Variants in DIPK1B observed in about 807,000 individuals in gnomAD.
DIPK1B encodes the protein family with sequence similarity 69 member B.
In DIPK1B, 17 loss-of-function variants were observed where a neutral mutation model predicts 20.7. That is an observed-to-expected ratio of 0.82 (90% CI 0.56 to 1.23). The LOEUF is 1.23. Among genes scored for constraint, DIPK1B ranks in the 50% most tolerant of loss-of-function variants. The pLI is 0.00. For synonymous variants in DIPK1B, 343 were observed against 276.5 expected, an observed-to-expected ratio of 1.24 and a Z score of -2.39; for missense variants, 648 against 601.8, an observed-to-expected ratio of 1.08 and a Z score of -0.80.
At chr9:136,721,660 C>T (rs1395274821) in intron 2 of DIPK1B, 2 of 484,962 alleles carry the variant, frequency 4.1e-6, no homozygotes, top group Non-Finnish European at 7.6e-6. Flanking sequence ...GTGGCCTTTG[C>T]TGTGCCGTCC....
chr9:136,720,470 T>C (rs1846579964), intron 2 of DIPK1B, among the ~76,000 whole-genome samples: 2 of 150,468 alleles, frequency 1.3e-5, no homozygotes, highest in African/African-American at 5.0e-5. Context: ...CCAGGAATTC[T>C]CCCCCCCCCA....
chr9:136,720,053 C>T (rs1342551491), intron 2 of DIPK1B, among the ~76,000 whole-genome samples: 3 of 145,214 alleles, frequency 2.1e-5, no homozygotes, highest in African/African-American at 5.3e-5. Context: ...TCTGGGGCTC[C>T]GGGTGCAGGG....
At chr9:136,720,341 G>T (rs967248407) in intron 2 of DIPK1B, among the ~76,000 whole-genome samples, 1 of 152,194 alleles carries the variant, frequency 6.6e-6, no homozygotes, top group African/African-American at 2.4e-5. Context: ...TCCTTGGTGT[G>T]TGGGGGGCGG....
rs1846664290 is a variant in DIPK1B, at chr9:136,723,982, T to TC, written c.*210dup. On this transcript the variant is annotated 3_prime_UTR_variant, in exon 5 of 5. Transcript: ENST00000371692. ...CATGGACATCCCGGCAGGAGAGTCCTCCAAGGGGGTTTGTTACTCTGAAGA... is the reference window on the plus strand; with the variant it reads ...CATGGACATCCCGGCAGGAGAGTCCTCCCAAGGGGGTTTGTTACTCTGAAGA... The TC allele has an allele frequency of 5.0e-6, 3 of 602,274 alleles. No homozygotes were observed. The Admixed American group carries it at 9.1e-5, about 18-fold the overall frequency. 37.3% of individuals were successfully genotyped at this position (602,274 alleles called of 1,614,324 possible). A position where few individuals can be genotyped will look rare whatever the true frequency, so the allele number is the denominator to read the frequency against.
At chr9:136,718,403 C>G (rs988028187) in intron 2 of DIPK1B, among the ~76,000 whole-genome samples, 13 of 152,178 alleles carry the variant, frequency 8.5e-5, no homozygotes, top group Admixed American at 5.9e-4. Flanking sequence ...AGGGCTAAGT[C>G]CCCTGGCGTA....
intron 4 of DIPK1B, chr9:136,722,598 G>A: frequency 1.8e-6 from 1 of 561,092 alleles, no homozygotes; most frequent in Non-Finnish European, 3.2e-6. Context: ...ACCAGGGCTT[G>A]TGGAAAGGGG....
Position 136,722,968 on chromosome 9 carries a change from C to G in DIPK1B, c.490C>G (p.Leu164Val). 6.2e-7 allele frequency: 1 copy of G among 1,603,272 alleles called. No homozygotes were observed. The highest frequency in any genetic ancestry group is 8.5e-7 in the Non-Finnish European group (1 of 1,172,722). Residue 164 changes from leucine (L) to valine (V), a missense_variant, in exon 5 of 5, where the codon CTG (leucine) becomes GTG (valine). Physicochemically the swap from Leu to Val is conservative, Grantham distance 32 (BLOSUM62 1). Coordinates refer to ENST00000371692, the MANE Select transcript of DIPK1B (RefSeq NM_152421.4). ...EMTLSFLKAN[L>V]GDLPSLPALV... ...TTTTGGTCCCAAACGCCAGGCGAAC[C>G]TGGGAGACCTGCCTTCCCTGCCGGC...
rs746860807 is a variant in DIPK1B, at chr9:136,723,124, G to A, written c.646G>A (p.Glu216Lys). Residue 216 changes from glutamate (E) to lysine (K), a missense_variant, in exon 5 of 5, where the codon GAG becomes AAG. Glu to Lys is a moderately conservative substitution (Grantham distance 56, BLOSUM62 1). Coordinates refer to ENST00000371692, the MANE Select transcript of DIPK1B (RefSeq NM_152421.4). ...GCTGCTGCTGTCCCTGCAGGAGAAGGAGCACGCCTCCAGACTGCTGGGCTA... is the reference window on the plus strand; with the variant it reads ...GCTGCTGCTGTCCCTGCAGGAGAAGAAGCACGCCTCCAGACTGCTGGGCTA... ...FLLLLSLQEK[E>K]HASRLLGYCG... The A allele has an allele frequency of 3.1e-6, 5 of 1,613,560 alleles. No homozygotes were observed. Among genetic ancestry groups the A allele is most frequent in the East Asian group, 4.5e-5 (2 of 44,880 alleles).
chr9:136,721,696 A>ATCT, intron 2 of DIPK1B: 31 of 547,728 alleles, frequency 5.7e-5, no homozygotes, highest in South Asian at 2.7e-4. Context: ...GATGGTGGGG[A>ATCT]CGGGACCGGA....
chr9:136,722,100 G>A lies in DIPK1B; in HGVS notation c.307-25G>A, dbSNP rs777778817. ...TGCAGTGGGAGGGGGATGTCTGCACGGAGGACCTCTGTGGCCCTGTCCAGG... is the reference window on the plus strand; with the variant it reads ...TGCAGTGGGAGGGGGATGTCTGCACAGAGGACCTCTGTGGCCCTGTCCAGG... On this transcript the variant is annotated intron_variant, in intron 3 of 4. Coordinates refer to ENST00000371692, the MANE Select transcript of DIPK1B (RefSeq NM_152421.4). The A allele has an allele frequency of 2.2e-5, 35 of 1,613,614 alleles. No homozygotes were observed. The East Asian group carries it at 2.2e-4, about 10-fold the overall frequency.
At chr9:136,721,256 A>G (rs1335479744) in intron 2 of DIPK1B, 1 of 152,258 alleles carries the variant, frequency 6.6e-6, no homozygotes, top group Admixed American at 6.5e-5. Flanking sequence ...CCAAGAGCCC[A>G]CCCTTTTGTT....
At chr9:136,721,511 A>C in intron 2 of DIPK1B, 4 of 203,078 alleles carry the variant, frequency 2.0e-5, no homozygotes, top group Non-Finnish European at 3.0e-5. Context: ...ATTAGGGACT[A>C]GTGTGAATTC....
In DIPK1B at chr9:136,723,131, C is replaced by T. The variant is rs774543358; in HGVS notation, c.653C>T (p.Ala218Val). 11 of 1,613,458 alleles carry T rather than the reference C, an allele frequency of 6.8e-6. No individual in the cohort carries two copies. In the East Asian group the frequency reaches 2.0e-4, roughly 29 times the overall value. Residue 218 changes from alanine (A) to valine (V), a missense_variant, in exon 5 of 5, where the codon GCC becomes GTC. Ala to Val is a moderately conservative substitution (Grantham distance 64). Coordinates refer to ENST00000371692, the MANE Select transcript of DIPK1B (RefSeq NM_152421.4). ...CTGTCCCTGCAGGAGAAGGAGCACGCCTCCAGACTGCTGGGCTACTGTGGG... is the reference window on the plus strand; with the variant it reads ...CTGTCCCTGCAGGAGAAGGAGCACGTCTCCAGACTGCTGGGCTACTGTGGG... ...LLLSLQEKEH[A>V]SRLLGYCGDL...
At chr9:136,715,553 C>T (rs1247505890) in intron 1 of DIPK1B, among the ~76,000 whole-genome samples, 5 of 151,064 alleles carry the variant, frequency 3.3e-5, no homozygotes, top group East Asian at 2.0e-4. Context: ...CTCACTCTGT[C>T]GCCCAGGCTG....
rs1259132398 is a variant in DIPK1B at position 136,723,788 on chromosome 9, G to A, written c.*14G>A. 1.3e-6 allele frequency: 2 copies of A among 1,531,194 alleles called. No individual in the cohort carries two copies. Among genetic ancestry groups the A allele is most frequent in the Middle Eastern group, 2.3e-4 (1 of 4,374 alleles). 94.9% of individuals were successfully genotyped at this position (1,531,194 alleles called of 1,614,324 possible). Reference sequence around the variant, plus strand: ...AAGTACTCTTGATGGGGCAGTGAGGGGCCTGGCCACCCTTCCTGGAGCTGG... The same window carrying A: ...AAGTACTCTTGATGGGGCAGTGAGGAGCCTGGCCACCCTTCCTGGAGCTGG... On this transcript the variant is annotated 3_prime_UTR_variant, in exon 5 of 5. Coordinates refer to ENST00000371692, the MANE Select transcript of DIPK1B (RefSeq NM_152421.4).
In DIPK1B at chr9:136,720,242, G is replaced by A. The variant is rs751231035; in HGVS notation, c.199-1679G>A. 3.1e-4 allele frequency among the ~76,000 whole-genome samples: 47 copies of A among 152,130 alleles called. 1 individual carries two copies. Among genetic ancestry groups the A allele is most frequent in the Non-Finnish European group, 4.7e-4 (32 of 68,002 alleles). ...TTTTCTGTCTTGACGAAGAGCCGGC[G>A]TTTTCTTGCTGCCGGGACAGACGCT... is the stretch of plus-strand genomic sequence containing the variant. On this transcript the variant is annotated intron_variant, in intron 2 of 4. Transcript: ENST00000371692.
intron 2 of DIPK1B, among the ~76,000 whole-genome samples, chr9:136,718,898 G>A (rs932402419): frequency 6.6e-6 from 1 of 152,190 alleles, no homozygotes; most frequent in Non-Finnish European, 1.5e-5. Context: ...TCCGGAGCTA[G>A]GAGAGCTTCT....
At chr9:136,719,526 CGCGAGGCCAAGAACTAGACCGT>C (rs1475025600) in intron 2 of DIPK1B, among the ~76,000 whole-genome samples, 1 of 152,228 alleles carries the variant, frequency 6.6e-6, no homozygotes, top group Non-Finnish European at 1.5e-5. Flanking sequence ...CCAGGGCCCT[CGCGAGGCCAAGAACTAGACCGT>C]GAGTCCCCAC....
intron 2 of DIPK1B, among the ~76,000 whole-genome samples, chr9:136,720,563 G>T (rs1197460323): frequency 2.0e-5 from 3 of 152,202 alleles, no homozygotes; most frequent in East Asian, 1.9e-4. Flanking sequence ...GAGCTAGGGT[G>T]GGGGCTGAGG....
Sources: gnomAD v4.1 joint callset for allele counts (sites outside exome capture counted in the v4.1 genomes callset) on GRCh38, gnomAD v4.1.1 for gene constraint, MANE v1.5 for transcripts, NCBI Gene and HGNC (gene_info 2026-07-23, HGNC 2026-07-21) for gene names.